Variants in CASKIN1 observed in about 807,000 individuals in gnomAD.
The protein encoded by CASKIN1 is CASK interacting protein 1.
Under a neutral mutation model 117.5 loss-of-function variants are expected in CASKIN1, and 42 were observed. The ratio of observed to expected loss-of-function variants is 0.36; its 90% CI spans 0.28 to 0.46. The LOEUF (loss-of-function observed/expected upper bound fraction) is 0.46. CASKIN1 is among the 20% of genes least tolerant of loss of function. The pLI is 1.00. For synonymous variants in CASKIN1, 1,148 were observed against 961.7 expected (o/e 1.19, Z -3.59); for missense variants, 2,083 against 2,077.3 (o/e 1.00, Z -0.05).
rs1424364687 is a variant in CASKIN1 at position 2,184,997 on chromosome 16, C to T, written c.1278G>A (p.Glu426=). ...TGGCGGGGCTGTCCCCCGGGCCGGA[C>T]TCAGAGACGGACTTCTGGGAAAGCA... is the stretch of plus-strand genomic sequence containing the variant. ...ATVLSQKSVS[E]SGPGDSPAKP... is the part of the protein sequence containing the mutation. The change falls in exon 13 of 20, where the codon GAG becomes GAA. Residue 426 remains glutamate (E), a synonymous_variant. Coordinates refer to ENST00000343516, the MANE Select transcript of CASKIN1 (RefSeq NM_020764.4). The T allele has an allele frequency of 3.7e-6, 6 of 1,609,116 alleles. No individual in the cohort carries two copies. In the African/African-American group the frequency reaches 5.3e-5, roughly 14 times the overall value.
chr16:2,181,179 T>C lies in CASKIN1; in HGVS notation c.2189A>G (p.Asp730Gly). Residue 730 changes from aspartate to glycine, a missense_variant, in exon 18 of 20, where the codon GAT (aspartate) becomes GGT (glycine). Physicochemically the swap from Asp to Gly is moderately conservative, Grantham distance 94. This residue lies in a region of CASKIN1 where 1,818 missense variants were observed against 1,688.9 expected (regional missense o/e 1.08). Transcript: ENST00000343516. ...PMSRSQEYLL[D>G]EGPAPGTPPR... Reference sequence around the variant, plus strand: ...CGGGGTGCCGGGGGCGGGGCCCTCATCCAGGAGGTACTCCTGGCTTCGAGA... The same window carrying C: ...CGGGGTGCCGGGGGCGGGGCCCTCACCCAGGAGGTACTCCTGGCTTCGAGA... 1 of 1,535,994 alleles carries C rather than the reference T, an allele frequency of 6.5e-7. No homozygotes were observed. The highest frequency in any genetic ancestry group is 8.7e-7 in the Non-Finnish European group (1 of 1,153,192).
In CASKIN1 at chr16:2,180,391, C is replaced by T. The variant is rs776827583; in HGVS notation, c.2977G>A (p.Val993Met). 11 of 1,582,848 alleles carry T rather than the reference C, an allele frequency of 6.9e-6. No individual in the cohort carries two copies. The highest frequency in any genetic ancestry group is 9.4e-6 in the Non-Finnish European group (11 of 1,171,648). Reference sequence around the variant, plus strand: ...ACACTGCCGGCACTACCCGTGTCCACGCTGCCGGCCAGGTCACTGGCCCGC... The same window carrying T: ...ACACTGCCGGCACTACCCGTGTCCATGCTGCCGGCCAGGTCACTGGCCCGC... ...CRRASDLAGS[V>M]DTGSAGSVKS... The change falls in exon 18 of 20, where the codon GTG (valine) becomes ATG (methionine). Residue 993 changes from valine to methionine, a missense_variant. Around this residue, in one of 3 missense-constraint regions of CASKIN1, gnomAD observed 1,818 missense variants for 1,688.9 expected, o/e 1.08. Transcript: ENST00000343516.
At position 2,189,347 on chromosome 16, in the gene CASKIN1, G is replaced by T; in HGVS notation, c.391-14C>A. On this transcript the variant is annotated splice_polypyrimidine_tract_variant and intron_variant, in intron 4 of 19. Coordinates refer to ENST00000343516, the MANE Select transcript of CASKIN1 (RefSeq NM_020764.4). ...CAGCATCTCAGACTGGGGGCCAAGG[G>T]CGCAGTCAGGTCCGCACATCCTCAG... The T allele has an allele frequency of 6.2e-7, 1 of 1,612,648 alleles. No individual in the cohort carries two copies. Among genetic ancestry groups the T allele is most frequent in the Non-Finnish European group, 8.5e-7 (1 of 1,179,842 alleles).
intron 3 of CASKIN1, among the ~76,000 whole-genome samples, 180 bp downstream of exon 3, chr16:2,189,893 G>C (rs545934520): frequency 6.6e-6 from 1 of 152,004 alleles, no homozygotes; most frequent in Non-Finnish European, 1.5e-5. Flanking sequence ...GGGGTGCTAG[G>C]AGCTGACCCC....
Position 2,177,938 on chromosome 16 carries a change from GCAGA to G in CASKIN1, c.*608_*611del, listed in dbSNP as rs1267641629. The stretch of plus-strand genomic sequence containing the variant: ...ACTCTGGCCGGAGGAAGGACCGCAG[GCAGA>G]CAGCCTGGGCCTCTAACAGCTTTTG... On this transcript the variant is annotated 3_prime_UTR_variant, in exon 20 of 20. Transcript: ENST00000343516. 7 of 348,248 alleles carry G rather than the reference GCAGA, an allele frequency of 2.0e-5. No individual in the cohort carries two copies. Among genetic ancestry groups the G allele is most frequent in the South Asian group, 1.5e-4 (5 of 34,146 alleles). The allele number at this position is 348,248 out of a possible 1,614,324, so 21.6% of individuals were successfully genotyped here.
intron 1 of CASKIN1, among the ~76,000 whole-genome samples, chr16:2,194,811 A>G (rs893412296): frequency 6.6e-6 from 1 of 152,076 alleles, no homozygotes; most frequent in Non-Finnish European, 1.5e-5. Flanking sequence ...AGAAGGGAGG[A>G]GGAACCTCCC....
chr16:2,189,603 C>T (rs755705942), intron 3 of CASKIN1, 39 bp from the exon 4 acceptor site: 3 of 1,556,914 alleles, frequency 1.9e-6, no homozygotes, highest in Non-Finnish European at 2.6e-6. Context: ...ACCCTTGACC[C>T]CAAACCCAAC....
rs1356244766 is a variant in CASKIN1 at position 2,178,135 on chromosome 16, T to C, written c.*415A>G. On this transcript the variant is annotated 3_prime_UTR_variant, in exon 20 of 20. Transcript: ENST00000343516. The stretch of plus-strand genomic sequence containing the variant: ...TTAATACTCTTGATAGCTTATATTC[T>C]GGGGGTGCGGTGGGGCAGGGGGGCC... 4.0e-6 allele frequency: 2 copies of C among 500,028 alleles called. No individual in the cohort carries two copies. Among genetic ancestry groups the C allele is most frequent in the Non-Finnish European group, 7.7e-6 (2 of 258,926 alleles). The allele number at this position is 500,028 out of a possible 1,614,324, so 31.0% of individuals were successfully genotyped here.
chr16:2,181,097 G>C lies in CASKIN1; in HGVS notation c.2271C>G (p.Pro757=). Reference sequence around the variant, plus strand: ...CCTGCCGTGGCTTGCCAGGCACGGGGGGCACGCTGGCCCTCTTGATGCTGT... The same window carrying C: ...CCTGCCGTGGCTTGCCAGGCACGGGCGGCACGCTGGCCCTCTTGATGCTGT... The part of the protein sequence containing the change: ...HGHSIKRASV[P]PVPGKPRQVL... Residue 757 remains proline, a synonymous_variant, in exon 18 of 20, where the codon CCC becomes CCG. Transcript: ENST00000343516. The C allele has an allele frequency of 6.8e-7, 1 of 1,480,074 alleles. No homozygotes were observed. The highest frequency in any genetic ancestry group is 2.4e-5 in the East Asian group (1 of 41,864). The allele number at this position is 1,480,074 out of a possible 1,614,324, so 91.7% of individuals were successfully genotyped here. A position where few individuals can be genotyped will look rare whatever the true frequency, so the allele number is the denominator to read the frequency against.
At position 2,186,336 on chromosome 16, in the gene CASKIN1, T is replaced by C. The variant is rs2093184347; in HGVS notation, c.1048+371A>G. Among the ~76,000 whole-genome samples the C allele has an allele frequency of 2.0e-5, 3 of 152,294 alleles. No homozygotes were observed. The South Asian group carries it at 6.2e-4, about 32-fold the overall frequency. The stretch of plus-strand genomic sequence containing the variant: ...CTGCCTCTCAGAGCATTCTCTGGCC[T>C]TCTCTGACTGCCTCATCTCAAGCAG... On this transcript the variant is annotated intron_variant, in intron 10 of 19. Transcript: ENST00000343516.
chr16:2,183,585 CTCTGTCTG>C, intron 16 of CASKIN1, 53 bp downstream of exon 16: 2 of 1,507,840 alleles, frequency 1.3e-6, no homozygotes, highest in Non-Finnish European at 1.8e-6. Flanking sequence ...GAGGCAGGTT[CTCTGTCTG>C]TCTGTCTGTC....
Position 2,196,457 on chromosome 16 carries a change from C to T in CASKIN1, c.-25G>A. 8.5e-7 allele frequency: 1 copy of T among 1,170,740 alleles called. No individual in the cohort carries two copies. Among genetic ancestry groups the T allele is most frequent in the Non-Finnish European group, 1.1e-6 (1 of 937,220 alleles). The allele number at this position is 1,170,740 out of a possible 1,614,324, so 72.5% of individuals were successfully genotyped here. A position where few individuals can be genotyped will look rare whatever the true frequency, so the allele number is the denominator to read the frequency against. ...TGGCGCGGCCGGGGCCGCAGCGACGCGGCTGCGCTCGTGAGCTCGGCGCGG... is the reference window on the plus strand; with the variant it reads ...TGGCGCGGCCGGGGCCGCAGCGACGTGGCTGCGCTCGTGAGCTCGGCGCGG... On this transcript the variant is annotated 5_prime_UTR_variant, in exon 1 of 20. Coordinates refer to ENST00000343516, the MANE Select transcript of CASKIN1 (RefSeq NM_020764.4). This position sits in a 1 kb window ranked among gnomAD's most constrained non-coding sequence, Gnocchi z 5.7.
chr16:2,179,645 G>T lies in CASKIN1; in HGVS notation c.3723C>A (p.Gly1241=). Residue 1241 remains glycine, a synonymous_variant, in exon 18 of 20, where the codon GGC becomes GGA. Coordinates refer to ENST00000343516, the MANE Select transcript of CASKIN1 (RefSeq NM_020764.4). The surrounding 1 kb of genome is among the most constrained non-coding windows in gnomAD (Gnocchi z 5.8). ...VLTQPVPKLQ[G]SPTPTSKKVP... is the part of the protein sequence containing the mutation. ...CCTTCTTGGAGGTGGGTGTGGGCGAGCCCTGGAGCTTGGGCACAGGCTGCG... is the reference window on the plus strand; with the variant it reads ...CCTTCTTGGAGGTGGGTGTGGGCGATCCCTGGAGCTTGGGCACAGGCTGCG... 6.7e-7 allele frequency: 1 copy of T among 1,497,388 alleles called. No individual in the cohort carries two copies. The highest frequency in any genetic ancestry group is 8.9e-7 in the Non-Finnish European group (1 of 1,129,740). The allele number at this position is 1,497,388 out of a possible 1,614,324, so 92.8% of individuals were successfully genotyped here.
rs2141310510 is a variant in CASKIN1 at position 2,179,930 on chromosome 16, G to A, written c.3438C>T (p.Asp1146=). Residue 1146 remains aspartate, a synonymous_variant, in exon 18 of 20, where the codon GAC becomes GAT. Coordinates refer to ENST00000343516, the MANE Select transcript of CASKIN1 (RefSeq NM_020764.4). This position sits in a 1 kb window ranked among gnomAD's most constrained non-coding sequence, Gnocchi z 5.8. The part of the protein sequence containing the change: ...ENVKFILTES[D]TVKRRPKAKE... ...TGGCCTTGGGCCTGCGCTTGACCGT[G>A]TCAGACTCGGTCAGGATGAACTTGA... 1 of 1,605,430 alleles carries A rather than the reference G, an allele frequency of 6.2e-7. No individual in the cohort carries two copies. Among genetic ancestry groups the A allele is most frequent in the Middle Eastern group, 1.7e-4 (1 of 6,048 alleles).
chr16:2,179,521 A>AC lies in CASKIN1; in HGVS notation c.3775+71dup. ...TTCCATCAAACCCAAGAAAAGGAAA[A>AC]CCCCTCAGACCACCGAGTAAGGAGG... On this transcript the variant is annotated intron_variant, in intron 18 of 19. Transcript: ENST00000343516. This position sits in a 1 kb window ranked among gnomAD's most constrained non-coding sequence, Gnocchi z 5.8. The AC allele has an allele frequency of 7.2e-7, 1 of 1,393,578 alleles. No homozygotes were observed. 86.3% of individuals were successfully genotyped at this position (1,393,578 alleles called of 1,614,324 possible).
rs1013978083 is a variant in CASKIN1, at chr16:2,177,423, AT to A, written c.*1126del. 5.2e-4 allele frequency: 116 copies of A among 224,138 alleles called. No homozygotes were observed. Among genetic ancestry groups the A allele is most frequent in the Non-Finnish European group, 6.0e-4 (68 of 112,600 alleles). 13.9% of individuals were successfully genotyped at this position (224,138 alleles called of 1,614,324 possible). On this transcript the variant is annotated 3_prime_UTR_variant, in exon 20 of 20. Transcript: ENST00000343516. Reference sequence around the variant, plus strand: ...ATCGCTGGTTTTCGGCATTTTTTAAATTTTTTTTTTAAGAAACGTCAAAGTT... The same window carrying A: ...ATCGCTGGTTTTCGGCATTTTTTAAATTTTTTTTTAAGAAACGTCAAAGTT...
rs772813197 is a variant in CASKIN1, at chr16:2,189,350, C to T, written c.391-17G>A. The T allele has an allele frequency of 6.2e-7, 1 of 1,612,590 alleles. No individual in the cohort carries two copies. Among genetic ancestry groups the T allele is most frequent in the Non-Finnish European group, 8.5e-7 (1 of 1,179,820 alleles). ...CATCTCAGACTGGGGGCCAAGGGCG[C>T]AGTCAGGTCCGCACATCCTCAGGCC... On this transcript the variant is annotated splice_polypyrimidine_tract_variant and intron_variant, in intron 4 of 19. Coordinates refer to ENST00000343516, the MANE Select transcript of CASKIN1 (RefSeq NM_020764.4).
At chr16:2,188,509 C>G (rs1214121050) in intron 6 of CASKIN1, among the ~76,000 whole-genome samples, 1 of 151,926 alleles carries the variant, frequency 6.6e-6, no homozygotes, top group Non-Finnish European at 1.5e-5. Flanking sequence ...TGCCAACACA[C>G]CCGGCTAGTT....
rs563655919 is a variant in CASKIN1 at position 2,180,313 on chromosome 16, C to T, written c.3055G>A (p.Ala1019Thr). Residue 1019 changes from alanine to threonine, a missense_variant, in exon 18 of 20, where the codon GCT (alanine) becomes ACT (threonine). By Grantham distance (58) the Ala-to-Thr change is moderately conservative (BLOSUM62 0). Transcript: ENST00000343516. ...TGGCCCTCAGGAGGCCTGCGGGCAG[C>T]CCGGCCCCCACCCCCAATGGAGGAC... is the stretch of plus-strand genomic sequence containing the variant. ...ELSSIGGGGR[A>T]ARRPPEGHPT... 122 of 1,593,168 alleles carry T rather than the reference C, an allele frequency of 7.7e-5. No individual in the cohort carries two copies. The highest frequency in any genetic ancestry group is 9.9e-5 in the Non-Finnish European group (116 of 1,174,902).
Sources: gnomAD v4.1 joint callset for allele counts (sites outside exome capture counted in the v4.1 genomes callset) on GRCh38, gnomAD v4.1.1 for gene constraint, gnomAD v4.1.1 regional missense constraint, Gnocchi (gnomAD v3.1) non-coding constraint, MANE v1.5 for transcripts, NCBI Gene and HGNC (gene_info 2026-07-23, HGNC 2026-07-21) for gene names.